PPP1R13B: variants seen among roughly 807,000 people sequenced by gnomAD.
The protein encoded by PPP1R13B is apoptosis-stimulating of p53 protein 1.
In PPP1R13B, 44 loss-of-function variants were observed where a neutral mutation model predicts 119.8. The ratio of observed to expected loss-of-function variants is 0.37; its 90% CI spans 0.29 to 0.47. The LOEUF (loss-of-function observed/expected upper bound fraction) is 0.47, where lower values mean the gene tolerates loss of function less well. Among genes scored for constraint, PPP1R13B ranks in the 20% least tolerant of loss-of-function variants. The pLI, the probability that PPP1R13B is intolerant of heterozygous loss-of-function variation, is 0.99. For missense variants in PPP1R13B, 1,227 were observed against 1,413.5 expected (o/e 0.87, Z 2.12); for synonymous variants, 542 against 561.5 (o/e 0.97, Z 0.49).
intron 1 of PPP1R13B, among the ~76,000 whole-genome samples, chr14:103,801,091 C>A (rs2085890242): frequency 6.6e-6 from 1 of 152,246 alleles, no homozygotes; most frequent in East Asian, 1.9e-4. Flanking sequence ...CTCAGGTGAT[C>A]TACCCACCTC....
At chr14:103,804,066 C>T (rs901816957) in intron 1 of PPP1R13B, 5 of 984,736 alleles carry the variant, frequency 5.1e-6, no homozygotes, top group African/African-American at 1.7e-5. Context: ...TTGAAATCAT[C>T]TAAGTGTGTC....
At chr14:103,750,472 C>A (rs2084511883) in intron 7 of PPP1R13B, among the ~76,000 whole-genome samples, 2 of 152,200 alleles carry the variant, frequency 1.3e-5, no homozygotes, top group Non-Finnish European at 2.9e-5. Context: ...TTTCGGATGC[C>A]CACAGCACTA....
chr14:103,760,132 A>G (rs1464553389), intron 4 of PPP1R13B, among the ~76,000 whole-genome samples: 1 of 152,064 alleles, frequency 6.6e-6, no homozygotes, highest in Non-Finnish European at 1.5e-5. Context: ...TAAGTCAACA[A>G]ATATGTAACA....
intron 1 of PPP1R13B, among the ~76,000 whole-genome samples, chr14:103,799,466 T>C (rs2085844481): frequency 2.6e-5 from 4 of 151,536 alleles, no homozygotes; most frequent in Non-Finnish European, 5.9e-5. Context: ...GCGTCAGCCA[T>C]TGCGCCCAGC....
intron 1 of PPP1R13B, among the ~76,000 whole-genome samples, chr14:103,814,588 G>C (rs996644644): frequency 3.3e-5 from 5 of 152,144 alleles, no homozygotes; most frequent in Non-Finnish European, 7.4e-5. Context: ...AGGATCACTT[G>C]AGGGTAGGAG....
chr14:103,737,668 T>C (rs751982305), intron 15 of PPP1R13B, 26 bp downstream of exon 15: 1 of 1,609,326 alleles, frequency 6.2e-7, no homozygotes, highest in Non-Finnish European at 8.5e-7. Flanking sequence ...ACAGCACCAC[T>C]GTGGCCCCAG....
chr14:103,786,555 A>G (rs1845997621), intron 2 of PPP1R13B, among the ~76,000 whole-genome samples: 1 of 151,922 alleles, frequency 6.6e-6, no homozygotes, highest in Non-Finnish European at 1.5e-5. Flanking sequence ...ACCCGAGGTC[A>G]GGAGTTCCAG....
upstream of PPP1R13B, among the ~76,000 whole-genome samples, chr14:103,848,107 G>T (rs1361897348): frequency 1.3e-5 from 2 of 152,018 alleles, no homozygotes; most frequent in Non-Finnish European, 2.9e-5. Flanking sequence ...CGCGCGCTCG[G>T]AACCAGCCCC....
At chr14:103,819,173 A>AGAG (rs1285573880) in intron 1 of PPP1R13B, among the ~76,000 whole-genome samples, 1 of 152,210 alleles carries the variant, frequency 6.6e-6, no homozygotes. Flanking sequence ...AATCAAAGGG[A>AGAG]GAGGAGTAGG....
At chr14:103,846,715 C>T (rs2087046159) in intron 1 of PPP1R13B, 1 of 456,086 alleles carries the variant, frequency 2.2e-6, no homozygotes. Context: ...ACCACCACTA[C>T]AAACGAACCT....
chr14:103,749,482 C>T (rs1463461739), intron 8 of PPP1R13B, among the ~76,000 whole-genome samples: 1 of 152,126 alleles, frequency 6.6e-6, no homozygotes, highest in African/African-American at 2.4e-5. Flanking sequence ...AGAGTGCGGA[C>T]CGTGACAGAT....
chr14:103,845,665 A>T (rs1308415750), intron 1 of PPP1R13B, among the ~76,000 whole-genome samples: 2 of 152,186 alleles, frequency 1.3e-5, no homozygotes, highest in Non-Finnish European at 2.9e-5. Flanking sequence ...ATTTATAATT[A>T]AACATTATAC....
chr14:103,741,750 T>A (rs1462092388), intron 11 of PPP1R13B, 40 bp downstream of exon 11: 1 of 1,562,870 alleles, frequency 6.4e-7, no homozygotes, highest in Non-Finnish European at 8.7e-7. Context: ...AAAGTATAAT[T>A]TCCTAGCCCC....
chr14:103,753,935 A>G (rs2084611772), intron 6 of PPP1R13B, 135 bp downstream of exon 6: 6 of 1,130,830 alleles, frequency 5.3e-6, no homozygotes, highest in African/African-American at 1.6e-5. Context: ...TTAGATGCAA[A>G]TAACAGAGCA....
In PPP1R13B at chr14:103,791,990, T is replaced by C. The variant is rs552054456; in HGVS notation, c.157+5381A>G. Among the ~76,000 whole-genome samples, 79 of 152,336 alleles carry C rather than the reference T, an allele frequency of 5.2e-4. No individual in the cohort carries two copies. The South Asian group carries it at 0.016, about 31-fold the overall frequency. On this transcript the variant is annotated intron_variant, in intron 2 of 16. Transcript: ENST00000202556. ...TTTTTAGTTGTTTTACTAATCAACA[T>C]TGTCAGTAAATTTTCATTTTTTTAC...
rs752949882 is a variant in PPP1R13B, at chr14:103,738,517, G to T, written c.2864+162C>A. The T allele has an allele frequency of 2.2e-5, 25 of 1,146,058 alleles. No homozygotes were observed. The highest frequency in any genetic ancestry group is 2.8e-5 in the Admixed American group (1 of 35,164). 71.0% of individuals were successfully genotyped at this position (1,146,058 alleles called of 1,614,324 possible). On this transcript the variant is annotated intron_variant, in intron 14 of 16. Transcript: ENST00000202556. This position sits in a 1 kb window ranked among gnomAD's most constrained non-coding sequence, Gnocchi z 5.6. ...ATCAAGAGAAAAGGCTGGAAAAAAAGGCAAGGAAACCCTGGCAACAGCTGT... is the reference window on the plus strand; with the variant it reads ...ATCAAGAGAAAAGGCTGGAAAAAAATGCAAGGAAACCCTGGCAACAGCTGT...
chr14:103,795,085 GTGCCACCA>G (rs1362468115), intron 2 of PPP1R13B, among the ~76,000 whole-genome samples: 1 of 152,122 alleles, frequency 6.6e-6, no homozygotes, highest in Non-Finnish European at 1.5e-5. Context: ...CTATAGGCGT[GTGCCACCA>G]TGCCTGGCTA....
rs191893015 is a variant in PPP1R13B at position 103,829,490 on chromosome 14, G to A, written c.9+17809C>T. On this transcript the variant is annotated intron_variant, in intron 1 of 16. Coordinates refer to ENST00000202556, the MANE Select transcript of PPP1R13B (RefSeq NM_015316.3). ...CCCAGGCTGGTCTCAGACTGCTGCT[G>A]GCCTCAAGCAACCCTCCTGCCTTGG... Among the ~76,000 whole-genome samples the A allele has an allele frequency of 2.2e-3, 329 of 152,230 alleles. 2 individuals carry two copies. The highest frequency in any genetic ancestry group is 6.8e-3 in the Middle Eastern group (2 of 294).
chr14:103,831,433 C>T (rs1211099296), intron 1 of PPP1R13B, among the ~76,000 whole-genome samples: 2 of 150,600 alleles, frequency 1.3e-5, no homozygotes, highest in African/African-American at 4.9e-5. Flanking sequence ...TCTCAGCCTC[C>T]CCAGTAGCTG....
Sources: allele counts gnomAD v4.1 joint callset (sites outside exome capture counted in the v4.1 genomes callset), GRCh38; gene constraint gnomAD v4.1.1; non-coding constraint Gnocchi (gnomAD v3.1); transcripts MANE v1.5; gene names NCBI Gene and HGNC (gene_info 2026-07-23, HGNC 2026-07-21).